Variants in EEA1 observed in about 807,000 individuals in gnomAD.
The protein encoded by EEA1 is early endosome antigen 1, also known as early endosome antigen 1, 162kD.
EEA1 carries 111 observed loss-of-function variants against 209.2 expected under a neutral mutation model. The observed-to-expected ratio is 0.53, with a 90% confidence interval of 0.45 to 0.62. EEA1 has a LOEUF of 0.62. EEA1 is among the 20% of genes least tolerant of loss of function. The pLI is 0.00. For synonymous variants in EEA1, 536 were observed against 540.6 expected (o/e 0.99, Z 0.12); for missense variants, 1,343 against 1,530.8 (o/e 0.88, Z 2.05).
At chr12:92,820,636 C>G (rs1183182346) in intron 13 of EEA1, among the ~76,000 whole-genome samples, 2 of 152,002 alleles carry the variant, frequency 1.3e-5, no homozygotes, top group African/African-American at 2.4e-5. Flanking sequence ...GAGCAAATAC[C>G]TAATGCATGC....
chr12:92,781,486 G>T (rs566486295), intron 23 of EEA1, among the ~76,000 whole-genome samples: 1 of 152,094 alleles, frequency 6.6e-6, no homozygotes, highest in Non-Finnish European at 1.5e-5. Context: ...TTTTTAAAAT[G>T]TACTGGTCAT....
chr12:92,810,806 T>A (rs1875457595), intron 17 of EEA1, among the ~76,000 whole-genome samples: 1 of 152,130 alleles, frequency 6.6e-6, no homozygotes, highest in Admixed American at 6.5e-5. Flanking sequence ...TGTGTTAAAG[T>A]AAGATACAGT....
At chr12:92,811,866 A>AT (rs1565818250) in intron 16 of EEA1, among the ~76,000 whole-genome samples, 1 of 152,084 alleles carries the variant, frequency 6.6e-6, no homozygotes, top group East Asian at 1.9e-4. Flanking sequence ...GCACAAAAAA[A>AT]AAAAAATAAA....
intron 14 of EEA1, 128 bp downstream of exon 14, chr12:92,819,180 C>T: frequency 4.8e-6 from 4 of 827,930 alleles, no homozygotes; most frequent in Non-Finnish European, 7.0e-6. Context: ...TGCTATTTGG[C>T]AAAAAATATA....
At position 92,778,197 on chromosome 12, in the gene EEA1, T is replaced by G; in HGVS notation, c.3655-18A>C. The stretch of plus-strand genomic sequence containing the variant: ...TCGGAATGCTGAAAAAAAGGAAAAG[T>G]TGGGGGGAAATCTATTACAAAAGTA... On this transcript the variant is annotated intron_variant, in intron 25 of 28. Coordinates refer to ENST00000322349, the MANE Select transcript of EEA1 (RefSeq NM_003566.4). The G allele has an allele frequency of 6.3e-7, 1 of 1,589,880 alleles. No individual in the cohort carries two copies.
intron 17 of EEA1, among the ~76,000 whole-genome samples, chr12:92,810,452 C>T (rs561152297): frequency 1.3e-5 from 2 of 151,938 alleles, no homozygotes; most frequent in East Asian, 3.9e-4. Flanking sequence ...TTGCTATTAT[C>T]GTTTGTCATA....
chr12:92,831,948 G>A (rs868436656), intron 11 of EEA1, among the ~76,000 whole-genome samples: 20 of 150,658 alleles, frequency 1.3e-4, no homozygotes, highest in Admixed American at 3.3e-4. Context: ...TTAGCCGGGC[G>A]CGGTGGCGGG....
rs931638137 is a variant in EEA1, at chr12:92,773,976, G to C, written c.*2035C>G. On this transcript the variant is annotated 3_prime_UTR_variant, in exon 29 of 29. Coordinates refer to ENST00000322349, the MANE Select transcript of EEA1 (RefSeq NM_003566.4). ...GGGGTAAAGGGGAGACAGACAGAAG[G>C]CCTGGAGTGGTGTTCAATTAGGAGA... The C allele has an allele frequency of 2.7e-5, 4 of 148,696 alleles. No individual in the cohort carries two copies. Among genetic ancestry groups the C allele is most frequent in the Non-Finnish European group, 6.0e-5 (4 of 67,016 alleles). The allele number at this position is 148,696 out of a possible 1,614,324, so 9.2% of individuals were successfully genotyped here. A position where few individuals can be genotyped will look rare whatever the true frequency, so the allele number is the denominator to read the frequency against.
chr12:92,795,873 C>G (rs1489995429), intron 21 of EEA1, among the ~76,000 whole-genome samples: 1 of 152,046 alleles, frequency 6.6e-6, no homozygotes, highest in Non-Finnish European at 1.5e-5. Flanking sequence ...GGTTTCTTAA[C>G]TCTTTAATTA....
At chr12:92,869,752 C>CAAAAAAAAAAAAAAAAAAAAAAAA (rs71069185) in intron 2 of EEA1, among the ~76,000 whole-genome samples, 1 of 26,792 alleles carries the variant, frequency 3.7e-5, no homozygotes, top group Non-Finnish European at 7.0e-5. Context: ...GATTCTGCCT[C>CAAAAAAAAAAAAAAAAAAAAAAAA]AAAAAAAAAA....
chr12:92,772,686 G>A lies in EEA1; in HGVS notation c.*3325C>T, dbSNP rs145728815. 6.6e-6 allele frequency: 1 copy of A among 152,282 alleles called. No individual in the cohort carries two copies. The highest frequency in any genetic ancestry group is 6.6e-5 in the Admixed American group (1 of 15,220). The allele number at this position is 152,282 out of a possible 1,614,324, so 9.4% of individuals were successfully genotyped here. A position where few individuals can be genotyped will look rare whatever the true frequency, so the allele number is the denominator to read the frequency against. ...GAGTTTAGAAATTGCAGTATTTACTGAGCTAACCTTTCTCACAAAGTAAGG... is the reference window on the plus strand; with the variant it reads ...GAGTTTAGAAATTGCAGTATTTACTAAGCTAACCTTTCTCACAAAGTAAGG... On this transcript the variant is annotated 3_prime_UTR_variant, in exon 29 of 29. Transcript: ENST00000322349.
At chr12:92,796,537 C>T (rs553306844) in intron 21 of EEA1, among the ~76,000 whole-genome samples, 134 of 151,926 alleles carry the variant, frequency 8.8e-4, no homozygotes, top group African/African-American at 2.8e-3. Context: ...CTATAGATAT[C>T]TACTTATATA....
chr12:92,776,987 TA>T, intron 27 of EEA1, 45 bp from the exon 28 acceptor site: 2 of 1,573,270 alleles, frequency 1.3e-6, no homozygotes, highest in South Asian at 2.2e-5. Flanking sequence ...TTCAACATTT[TA>T]AAGAATGCTA....
At chr12:92,794,735 G>GGGGGGCC (rs985557084) in intron 21 of EEA1, among the ~76,000 whole-genome samples, 9 of 147,826 alleles carry the variant, frequency 6.1e-5, no homozygotes, top group Admixed American at 6.1e-4. Context: ...CTGTCGGGGG[G>GGGGGGCC]TGGGGGGCTG....
At chr12:92,922,087 T>A (rs2136788876) in intron 1 of EEA1, among the ~76,000 whole-genome samples, 1 of 152,212 alleles carries the variant, frequency 6.6e-6, no homozygotes, top group South Asian at 2.1e-4. Flanking sequence ...CACTTCTCAG[T>A]CCTTATTTGA....
rs777456773 is a variant in EEA1 at position 92,771,097 on chromosome 12, T to C, written c.*4914A>G. 2.0e-5 allele frequency: 3 copies of C among 151,908 alleles called. No individual in the cohort carries two copies. Among genetic ancestry groups the C allele is most frequent in the Non-Finnish European group, 2.9e-5 (2 of 67,926 alleles). The allele number at this position is 151,908 out of a possible 1,614,324, so 9.4% of individuals were successfully genotyped here. ...CAGAATTTTTATCATGAAAGGCAGT[T>C]TGAATAATTATTATCATGGCAGGAT... On this transcript the variant is annotated 3_prime_UTR_variant, in exon 29 of 29. Transcript: ENST00000322349.
At chr12:92,810,216 TAAATA>T (rs927568407) in intron 17 of EEA1, among the ~76,000 whole-genome samples, 1 of 152,174 alleles carries the variant, frequency 6.6e-6, no homozygotes, top group Non-Finnish European at 1.5e-5. Context: ...AAATATTCAT[TAAATA>T]AAAGATATTT....
intron 15 of EEA1, among the ~76,000 whole-genome samples, chr12:92,814,715 T>C (rs143969157): frequency 3.2e-3 from 489 of 152,250 alleles, no homozygotes; most frequent in Non-Finnish European, 5.9e-3. Flanking sequence ...AACTTTTGCA[T>C]TAAAGCCCTT....
chr12:92,810,035 A>G (rs1416279146), intron 17 of EEA1, among the ~76,000 whole-genome samples: 7 of 152,184 alleles, frequency 4.6e-5, no homozygotes, highest in Admixed American at 2.6e-4. Flanking sequence ...TGCATCTCAC[A>G]TGTATACATG....
Sources: allele counts gnomAD v4.1 joint callset (sites outside exome capture counted in the v4.1 genomes callset), GRCh38; gene constraint gnomAD v4.1.1; transcripts MANE v1.5; gene names NCBI Gene and HGNC (gene_info 2026-07-23, HGNC 2026-07-21).